ACTR3C: variants seen among roughly 807,000 people sequenced by gnomAD.
The protein encoded by ACTR3C is actin-related protein 3C.
ACTR3C carries 18 observed loss-of-function variants against 26.3 expected under a neutral mutation model. The observed-to-expected ratio is 0.68, with a 90% CI of 0.47 to 1.01. The LOEUF is 1.01. Ranked by LOEUF, ACTR3C falls within the 50% of genes least tolerant of loss-of-function variation. The pLI is 0.00. For synonymous variants in ACTR3C, 55 were observed against 94.5 expected, an observed-to-expected ratio of 0.58 and a Z score of 2.42; for missense variants, 184 against 250.7, an observed-to-expected ratio of 0.73 and a Z score of 1.80.
At chr7:150,123,090 G>C in the ACTR3C span, among the ~76,000 whole-genome samples, 5 of 151,284 alleles carry the variant, frequency 3.3e-5, no homozygotes, top group Non-Finnish European at 5.9e-5. Context: ...TGTCGAGGGT[G>C]GGGGACAAGG....
chr7:150,049,652 T>A, the ACTR3C span, among the ~76,000 whole-genome samples: 1 of 152,252 alleles, frequency 6.6e-6, no homozygotes, highest in East Asian at 1.9e-4. Context: ...ATGCTCCCTC[T>A]GTTTCCCTAA....
the ACTR3C span, among the ~76,000 whole-genome samples, chr7:149,917,273 C>T: frequency 6.6e-6 from 1 of 152,130 alleles, no homozygotes; most frequent in African/African-American, 2.4e-5. Flanking sequence ...CAGGGTTTCT[C>T]CATGTTGGTC....
At chr7:150,008,335 T>C in the ACTR3C span, among the ~76,000 whole-genome samples, 1 of 152,254 alleles carries the variant, frequency 6.6e-6, no homozygotes, top group East Asian at 1.9e-4. Flanking sequence ...GGACGTGCTC[T>C]GAGCCACATC....
At chr7:150,052,855 C>T in the ACTR3C span, among the ~76,000 whole-genome samples, 1 of 105,954 alleles carries the variant, frequency 9.4e-6, no homozygotes, top group South Asian at 3.7e-4. Flanking sequence ...CCATAATCGA[C>T]TCTTCTCCTC....
chr7:149,904,521 A>C, the ACTR3C span, among the ~76,000 whole-genome samples: 1 of 115,048 alleles, frequency 8.7e-6, no homozygotes. Context: ...ACAGAGCAAG[A>C]CTCCATCTCA....
the ACTR3C span, among the ~76,000 whole-genome samples, chr7:150,182,649 A>G: frequency 6.6e-6 from 1 of 150,870 alleles, no homozygotes; most frequent in Non-Finnish European, 1.5e-5. Context: ...CTTCACTGCA[A>G]TTTAACTCTG....
At chr7:150,092,914 G>A in the ACTR3C span, among the ~76,000 whole-genome samples, 253 of 150,796 alleles carry the variant, frequency 1.7e-3, 2 homozygotes, top group African/African-American at 5.6e-3. Context: ...TGTGGATACC[G>A]ATTCCTGCAG....
chr7:149,918,745 G>A, the ACTR3C span, among the ~76,000 whole-genome samples: 2 of 152,168 alleles, frequency 1.3e-5, no homozygotes, highest in Non-Finnish European at 2.9e-5. Flanking sequence ...AGGATGTGGA[G>A]AAAAGAAAAG....
At chr7:150,224,843 T>C in the ACTR3C span, among the ~76,000 whole-genome samples, 10 of 152,324 alleles carry the variant, frequency 6.6e-5, no homozygotes, top group African/African-American at 2.2e-4. Flanking sequence ...CACCCATTCA[T>C]TTATTTATTA....
the ACTR3C span, among the ~76,000 whole-genome samples, chr7:150,018,675 T>C: frequency 6.7e-6 from 1 of 150,304 alleles, no homozygotes; most frequent in African/African-American, 2.5e-5. Flanking sequence ...ATATTCTTAA[T>C]TTATATCCTA....
At chr7:149,961,335 A>T in the ACTR3C span, among the ~76,000 whole-genome samples, 4 of 151,910 alleles carry the variant, frequency 2.6e-5, no homozygotes, top group Non-Finnish European at 5.9e-5. Context: ...GTTTAGAGGA[A>T]GTGCACAGAA....
the ACTR3C span, among the ~76,000 whole-genome samples, chr7:150,082,717 C>T: frequency 5.9e-5 from 9 of 152,264 alleles, no homozygotes; most frequent in Admixed American, 2.0e-4. Context: ...TTCAGGTGGA[C>T]ATTTCAATAT....
chr7:149,922,694 C>G, the ACTR3C span, among the ~76,000 whole-genome samples: 1 of 150,286 alleles, frequency 6.7e-6, no homozygotes, highest in African/African-American at 2.4e-5. Context: ...TTAGGAGGTT[C>G]CAGGAAGTAG....
the ACTR3C span, among the ~76,000 whole-genome samples, chr7:150,231,462 C>T: frequency 1.3e-5 from 2 of 151,530 alleles, no homozygotes; most frequent in Non-Finnish European, 2.9e-5. Flanking sequence ...CCTCTCACCA[C>T]GTGATCACTG....
At chr7:150,048,462 G>A in the ACTR3C span, among the ~76,000 whole-genome samples, 1 of 152,122 alleles carries the variant, frequency 6.6e-6, no homozygotes, top group Non-Finnish European at 1.5e-5. Context: ...GAGGGGCGGG[G>A]ACCACGCGGG....
chr7:150,259,715 G>C (rs1420274733), intron 6 of ACTR3C, among the ~76,000 whole-genome samples: 1 of 152,090 alleles, frequency 6.6e-6, no homozygotes, highest in African/African-American at 2.4e-5. Flanking sequence ...TCATTATAAT[G>C]ATCTAAGCAG....
At chr7:150,313,629 G>T (rs1489732861) in intron 1 of ACTR3C, among the ~76,000 whole-genome samples, 1 of 152,176 alleles carries the variant, frequency 6.6e-6, no homozygotes, top group African/African-American at 2.4e-5. Flanking sequence ...TTCCCATCAT[G>T]GTCTGAACCA....
the ACTR3C span, among the ~76,000 whole-genome samples, chr7:150,035,958 C>CGG: frequency 3.0e-5 from 2 of 66,402 alleles, 1 homozygote; most frequent in African/African-American, 1.1e-4. Flanking sequence ...AGAGCCAGGG[C>CGG]GGGAAGAGGG....
chr7:149,946,028 C>T, the ACTR3C span, among the ~76,000 whole-genome samples: 13,761 of 152,084 alleles, frequency 0.09, 2,111 homozygotes, highest in African/African-American at 0.31. Context: ...GAGGCCCAAG[C>T]GAGTGAATCA....
Sources: allele counts gnomAD v4.1 joint callset (sites outside exome capture counted in the v4.1 genomes callset), GRCh38; gene constraint gnomAD v4.1.1; transcripts MANE v1.5; gene names NCBI Gene and HGNC (gene_info 2026-07-23, HGNC 2026-07-21).